Variants in XYLT1 observed in about 807,000 individuals in gnomAD.
The protein encoded by XYLT1 is beta-D-xylosyltransferase 1.
Under a neutral mutation model 91.3 loss-of-function variants are expected in XYLT1, and 36 were observed. The observed-to-expected ratio is 0.39, with a 90% CI of 0.30 to 0.52. The LOEUF (loss-of-function observed/expected upper bound fraction) is 0.52. Among genes scored for constraint, XYLT1 ranks in the 20% least tolerant of loss-of-function variants. XYLT1 has a pLI of 0.68. For missense variants in XYLT1, 1,242 were observed against 1,284.5 expected, an observed-to-expected ratio of 0.97 and a Z score of 0.51; for synonymous variants, 588 against 532.0, an observed-to-expected ratio of 1.11 and a Z score of -1.45.
At chr16:17,131,549 C>G (rs920086849) in intron 9 of XYLT1, among the ~76,000 whole-genome samples, 9 of 152,140 alleles carry the variant, frequency 5.9e-5, no homozygotes, top group Non-Finnish European at 1.3e-4. Flanking sequence ...TCTAGTGCTT[C>G]GTGCCTGCCC....
chr16:17,356,636 C>A (rs2035298629), intron 2 of XYLT1, among the ~76,000 whole-genome samples: 1 of 152,012 alleles, frequency 6.6e-6, no homozygotes, highest in Non-Finnish European at 1.5e-5. Flanking sequence ...AGCAGGTGGT[C>A]TTTTCCAGTC....
At chr16:17,454,131 TA>T (rs760688082) in intron 1 of XYLT1, among the ~76,000 whole-genome samples, 1 of 151,478 alleles carries the variant, frequency 6.6e-6, no homozygotes, top group Non-Finnish European at 1.5e-5. Context: ...AATCAATTGG[TA>T]AAAAAAAAGT....
In XYLT1 at chr16:17,103,116, C is replaced by T. The variant is rs1257582322; in HGVS notation, c.*5579G>A. The T allele has an allele frequency of 6.6e-6, 1 of 152,494 alleles. No individual in the cohort carries two copies. Among genetic ancestry groups the T allele is most frequent in the East Asian group, 1.9e-4 (1 of 5,178 alleles). The allele number at this position is 152,494 out of a possible 1,614,324, so 9.4% of individuals were successfully genotyped here. A position where few individuals can be genotyped will look rare whatever the true frequency, so the allele number is the denominator to read the frequency against. On this transcript the variant is annotated 3_prime_UTR_variant, in exon 12 of 12. Coordinates refer to ENST00000261381, the MANE Select transcript of XYLT1 (RefSeq NM_022166.4). ...AGGGAAAGGGTGATTCCTTTGAGAA[C>T]ACTACCCATCTGCTGGGAATATTTA...
Position 17,263,738 on chromosome 16 carries a change from C to G in XYLT1, c.403-4240G>C, listed in dbSNP as rs375499620. On this transcript the variant is annotated intron_variant, in intron 2 of 11. Transcript: ENST00000261381. ...TCTTTTCTTTTTTGAGATGGAGTTT[C>G]ACTCTTGTCACCTAGGCTGGAGTGC... 7.9e-5 allele frequency among the ~76,000 whole-genome samples: 12 copies of G among 152,106 alleles called. No homozygotes were observed. The East Asian group carries it at 9.7e-4, about 12-fold the overall frequency.
intron 6 of XYLT1, among the ~76,000 whole-genome samples, chr16:17,143,442 G>A (rs2031040508): frequency 1.3e-5 from 2 of 152,150 alleles, no homozygotes; most frequent in South Asian, 4.1e-4. Context: ...TGAACTCAGG[G>A]ACCTTTCTGC....
At chr16:17,410,418 T>C (rs1000879351) in intron 1 of XYLT1, among the ~76,000 whole-genome samples, 1 of 152,180 alleles carries the variant, frequency 6.6e-6, no homozygotes, top group African/African-American at 2.4e-5. Context: ...ACATCTCACA[T>C]GGCAGCAGAC....
rs2036980086 is a variant in XYLT1, at chr16:17,470,753, T to A, written c.44A>T (p.His15Leu). The A allele has an allele frequency of 1.8e-6, 2 of 1,100,948 alleles. No homozygotes were observed. Among genetic ancestry groups the A allele is most frequent in the Non-Finnish European group, 2.2e-6 (2 of 895,280 alleles). The allele number at this position is 1,100,948 out of a possible 1,614,324, so 68.2% of individuals were successfully genotyped here. Residue 15 changes from histidine (H) to leucine (L), a missense_variant, in exon 1 of 12, where the codon CAC becomes CTC. Coordinates refer to ENST00000261381, the MANE Select transcript of XYLT1 (RefSeq NM_022166.4). Reference protein sequence around the residue: ...PCARRLARRSHSALLAALTVL... With the variant: ...PCARRLARRSLSALLAALTVL... ...CGTGAGCGCCGCGAGCAGCGCCGAG[T>A]GCGAGCGCCGGGCCAGCCTCCGGGC... is the stretch of plus-strand genomic sequence containing the variant.
At chr16:17,320,783 C>T (rs2034706875) in intron 2 of XYLT1, among the ~76,000 whole-genome samples, 2 of 146,534 alleles carry the variant, frequency 1.4e-5, no homozygotes, top group African/African-American at 5.2e-5. Flanking sequence ...TCTGGCCGAC[C>T]TTGGAAAAGT....
chr16:17,119,830 T>A (rs938948751), intron 10 of XYLT1, among the ~76,000 whole-genome samples: 1 of 152,236 alleles, frequency 6.6e-6, no homozygotes, highest in African/African-American at 2.4e-5. Context: ...CTGTGCTACA[T>A]ATTGCCTTCC....
chr16:17,341,334 G>A (rs1270932816), intron 2 of XYLT1, among the ~76,000 whole-genome samples: 1 of 152,182 alleles, frequency 6.6e-6, no homozygotes, highest in African/African-American at 2.4e-5. Context: ...CAGAGACTGT[G>A]ACAGGTGCTG....
intron 8 of XYLT1, among the ~76,000 whole-genome samples, chr16:17,137,246 G>A (rs576313616): frequency 9.9e-5 from 15 of 152,170 alleles, no homozygotes; most frequent in East Asian, 3.9e-4. Context: ...CCATGCCTTC[G>A]TTTCCTTACC....
intron 1 of XYLT1, among the ~76,000 whole-genome samples, chr16:17,369,918 C>T (rs1011842400): frequency 2.0e-5 from 3 of 152,118 alleles, no homozygotes; most frequent in Non-Finnish European, 4.4e-5. Context: ...AGAGTTGGCC[C>T]GAGGAGCCAA....
chr16:17,386,821 T>C (rs908967156), intron 1 of XYLT1, among the ~76,000 whole-genome samples: 1 of 152,184 alleles, frequency 6.6e-6, no homozygotes, highest in Non-Finnish European at 1.5e-5. Flanking sequence ...AGTAACCCAA[T>C]AAGGCAGGTG....
chr16:17,330,360 T>A (rs2141837749), intron 2 of XYLT1, among the ~76,000 whole-genome samples: 1 of 152,260 alleles, frequency 6.6e-6, no homozygotes, highest in Non-Finnish European at 1.5e-5. Context: ...CCTCAGATGA[T>A]GAAATTCTGC....
At chr16:17,295,686 T>C (rs1812173489) in intron 2 of XYLT1, among the ~76,000 whole-genome samples, 1 of 152,218 alleles carries the variant, frequency 6.6e-6, no homozygotes, top group South Asian at 2.1e-4. Context: ...TGGGTCAACT[T>C]GACCCACAGG....
chr16:17,357,618 T>C (rs1024679106), intron 2 of XYLT1, among the ~76,000 whole-genome samples: 1 of 152,166 alleles, frequency 6.6e-6, no homozygotes, highest in Non-Finnish European at 1.5e-5. Flanking sequence ...TGCCAAGGAA[T>C]AAAAGTCCTC....
At position 17,287,069 on chromosome 16, in the gene XYLT1, G is replaced by C. The variant is rs147677620; in HGVS notation, c.403-27571C>G. On this transcript the variant is annotated intron_variant, in intron 2 of 11. Coordinates refer to ENST00000261381, the MANE Select transcript of XYLT1 (RefSeq NM_022166.4). Reference sequence around the variant, plus strand: ...AGTCTACAGTATGCCTTGATGACCAGAGTGTAGGTGAATTTTGGCTCCTAC... The same window carrying C: ...AGTCTACAGTATGCCTTGATGACCACAGTGTAGGTGAATTTTGGCTCCTAC... Among the ~76,000 whole-genome samples the C allele has an allele frequency of 2.5e-3, 379 of 152,240 alleles. 4 individuals are homozygous for C. The highest frequency in any genetic ancestry group is 8.6e-3 in the African/African-American group (359 of 41,536).
rs1417289794 is a variant in XYLT1, at chr16:17,192,820, T to C, written c.1289+5392A>G. On this transcript the variant is annotated intron_variant, in intron 5 of 11. Coordinates refer to ENST00000261381, the MANE Select transcript of XYLT1 (RefSeq NM_022166.4). Reference sequence around the variant, plus strand: ...TGCTTTTCCCACCCTTTTTTTTTTTTTTTTTTTTTTTAGACAGCGTCTCAG... The same window carrying C: ...TGCTTTTCCCACCCTTTTTTTTTTTCTTTTTTTTTTTAGACAGCGTCTCAG... 2.0e-5 allele frequency: 3 copies of C among 150,278 alleles called. No homozygotes were observed. The East Asian group carries it at 5.8e-4, about 29-fold the overall frequency. 9.3% of individuals were successfully genotyped at this position (150,278 alleles called of 1,614,324 possible). A position where few individuals can be genotyped will look rare whatever the true frequency, so the allele number is the denominator to read the frequency against.
At chr16:17,454,956 C>G (rs1285130114) in intron 1 of XYLT1, among the ~76,000 whole-genome samples, 1 of 129,296 alleles carries the variant, frequency 7.7e-6, no homozygotes. Flanking sequence ...CCATCCTTAG[C>G]TCACAGGCCA....
Sources: gnomAD v4.1 joint callset for allele counts (sites outside exome capture counted in the v4.1 genomes callset) on GRCh38, gnomAD v4.1.1 for gene constraint, MANE v1.5 for transcripts, NCBI Gene and HGNC (gene_info 2026-07-23, HGNC 2026-07-21) for gene names.